Variants in CNTN5 observed in about 807,000 individuals in gnomAD.
The protein encoded by CNTN5 is contactin 5.
In CNTN5, 77 loss-of-function variants were observed where a neutral mutation model predicts 129.1. The observed-to-expected ratio is 0.60, with a 90% CI of 0.50 to 0.72. The LOEUF is 0.72. Among genes scored for constraint, CNTN5 ranks in the 30% least tolerant of loss-of-function variants. CNTN5 has a pLI of 0.00. For missense variants in CNTN5, 1,478 were observed against 1,328.8 expected (o/e 1.11, Z -1.75); for synonymous variants, 509 against 465.6 (o/e 1.09, Z -1.20).
rs766769118 is a variant in CNTN5, at chr11:99,825,054, C to G, written c.277+5289C>G. Among the ~76,000 whole-genome samples the G allele has an allele frequency of 2.0e-5, 3 of 151,926 alleles. No homozygotes were observed. In the South Asian group the frequency reaches 6.2e-4, roughly 31 times the overall value. Reference sequence around the variant, plus strand: ...CTGTTGTCTGTTATTTCTGTTAGTTCTTGCTCATATGGCGTTGTCTAATAG... The same window carrying G: ...CTGTTGTCTGTTATTTCTGTTAGTTGTTGCTCATATGGCGTTGTCTAATAG... On this transcript the variant is annotated intron_variant, in intron 4 of 24. Transcript: ENST00000524871.
At chr11:99,291,271 A>C (rs971558250) in intron 1 of CNTN5, among the ~76,000 whole-genome samples, 2 of 151,932 alleles carry the variant, frequency 1.3e-5, no homozygotes, top group African/African-American at 4.8e-5. Context: ...TTTAAGAAAG[A>C]AGTTTTCAAA....
At chr11:99,075,627 A>T (rs1231874526) in intron 1 of CNTN5, among the ~76,000 whole-genome samples, 1 of 152,198 alleles carries the variant, frequency 6.6e-6, no homozygotes, top group Non-Finnish European at 1.5e-5. Flanking sequence ...TCTCTCTCCT[A>T]TAAATATTAT....
intron 1 of CNTN5, among the ~76,000 whole-genome samples, chr11:99,184,616 A>G (rs111348384): frequency 0.026 from 3,968 of 152,166 alleles, 78 homozygotes; most frequent in South Asian, 0.043. Context: ...ATGGAATCTT[A>G]CTTAATAAGT....
At chr11:100,108,645 T>C (rs974182925) in intron 13 of CNTN5, among the ~76,000 whole-genome samples, 8 of 152,184 alleles carry the variant, frequency 5.3e-5, no homozygotes, top group Admixed American at 3.3e-4. Context: ...TATGTTCTCA[T>C]ACATGCCCTC....
At chr11:100,054,970 A>C (rs2137765249) in intron 9 of CNTN5, among the ~76,000 whole-genome samples, 1 of 148,204 alleles carries the variant, frequency 6.7e-6, no homozygotes, top group Admixed American at 6.8e-5. Context: ...AGAGAGTCAT[A>C]GATTTTTAAA....
At chr11:99,319,695 T>C (rs1865482892) in intron 1 of CNTN5, among the ~76,000 whole-genome samples, 1 of 152,202 alleles carries the variant, frequency 6.6e-6, no homozygotes, top group Non-Finnish European at 1.5e-5. Context: ...TGTAAATTTT[T>C]TAAATTTATA....
intron 9 of CNTN5, among the ~76,000 whole-genome samples, chr11:100,009,023 C>A (rs966622640): frequency 6.6e-6 from 1 of 152,062 alleles, no homozygotes; most frequent in African/African-American, 2.4e-5. Context: ...AAGCTTATAT[C>A]TTTCCCATAT....
chr11:99,785,038 A>ATCCGCCTGCCTCCGCCTGCC (rs139577537), intron 3 of CNTN5, among the ~76,000 whole-genome samples: 35 of 151,168 alleles, frequency 2.3e-4, no homozygotes, highest in South Asian at 1.1e-3. Flanking sequence ...TGACCTCGTG[A>ATCCGCCTGCCTCCGCCTGCC]TCCGCCTGCC....
chr11:99,103,741 T>C (rs552195558), intron 1 of CNTN5, among the ~76,000 whole-genome samples: 1 of 145,260 alleles, frequency 6.9e-6, no homozygotes, highest in African/African-American at 2.5e-5. Flanking sequence ...AGGTGAACCA[T>C]AAATCTAATG....
chr11:99,744,971 T>G (rs78806318), intron 3 of CNTN5, among the ~76,000 whole-genome samples: 3,048 of 152,300 alleles, frequency 0.02, 109 homozygotes, highest in African/African-American at 0.069. Flanking sequence ...TACTATTCGA[T>G]ATCACAATTA....
intron 2 of CNTN5, among the ~76,000 whole-genome samples, chr11:99,486,083 G>A (rs75882664): frequency 0.021 from 3,249 of 151,894 alleles, 137 homozygotes; most frequent in African/African-American, 0.073. Context: ...TGTATAATAC[G>A]TTGAGGAAGT....
intron 3 of CNTN5, among the ~76,000 whole-genome samples, chr11:99,710,321 C>T (rs531291289): frequency 2.4e-4 from 36 of 151,920 alleles, no homozygotes; most frequent in African/African-American, 8.7e-4. Flanking sequence ...CATAACACTC[C>T]AGGATATAAG....
At position 99,255,679 on chromosome 11, in the gene CNTN5, T is replaced by G. The variant is rs149076764; in HGVS notation, c.-209-69667T>G. ...GCTAGTTTCTAATTTGAAAGCTTCA[T>G]AGTAAGTATGAATTAAAAGAATTGT... On this transcript the variant is annotated intron_variant, in intron 1 of 24. Coordinates refer to ENST00000524871, the MANE Select transcript of CNTN5 (RefSeq NM_014361.4). Among the ~76,000 whole-genome samples the G allele has an allele frequency of 1.2e-3, 178 of 151,666 alleles. 1 individual carries two copies. The highest frequency in any genetic ancestry group is 2.6e-3 in the Admixed American group (39 of 15,196).
intron 3 of CNTN5, among the ~76,000 whole-genome samples, chr11:99,686,392 ATTTCGGTTTCTT>A (rs1481766017): frequency 6.6e-6 from 1 of 151,880 alleles, no homozygotes; most frequent in Non-Finnish European, 1.5e-5. Flanking sequence ...TAGGTAGAGA[ATTTCGGTTTCTT>A]TTTGCTTCCT....
intron 2 of CNTN5, among the ~76,000 whole-genome samples, chr11:99,463,567 T>G (rs1243752648): frequency 0.012 from 1,835 of 152,122 alleles, 39 homozygotes; most frequent in African/African-American, 0.042. Flanking sequence ...CTATACTGTA[T>G]AATGTCTGCT....
chr11:99,394,096 T>G (rs1306989199), intron 2 of CNTN5, among the ~76,000 whole-genome samples: 1 of 151,694 alleles, frequency 6.6e-6, no homozygotes, highest in Admixed American at 6.6e-5. Context: ...CCCTCTTTAT[T>G]CACAAATGAT....
At chr11:99,860,868 T>C (rs1437582910) in intron 6 of CNTN5, among the ~76,000 whole-genome samples, 1 of 152,154 alleles carries the variant, frequency 6.6e-6, no homozygotes, top group Non-Finnish European at 1.5e-5. Flanking sequence ...AGGAATAGTG[T>C]TGAATCTGTA....
At chr11:99,542,181 A>G (rs1196892703) in intron 2 of CNTN5, among the ~76,000 whole-genome samples, 1 of 152,118 alleles carries the variant, frequency 6.6e-6, no homozygotes, top group East Asian at 1.9e-4. Context: ...ACTTCTTTGT[A>G]GTAAGAACAT....
chr11:100,107,382 T>C (rs912651716), intron 13 of CNTN5, among the ~76,000 whole-genome samples: 5 of 152,074 alleles, frequency 3.3e-5, no homozygotes, highest in Non-Finnish European at 7.4e-5. Flanking sequence ...AATTTCATGG[T>C]ATAAACAATA....
Sources: gnomAD v4.1 joint callset for allele counts (sites outside exome capture counted in the v4.1 genomes callset) on GRCh38, gnomAD v4.1.1 for gene constraint, MANE v1.5 for transcripts, NCBI Gene and HGNC (gene_info 2026-07-23, HGNC 2026-07-21) for gene names.